The following NTM variants were observed in gnomAD, a reference collection of about 807,000 sequenced individuals.
NTM encodes IgLON family member 2.
Under a neutral mutation model 42.1 loss-of-function variants are expected in NTM, and 13 were observed. The ratio of observed to expected loss-of-function variants is 0.31; its 90% CI spans 0.20 to 0.49. The LOEUF (loss-of-function observed/expected upper bound fraction) is 0.49. Among genes scored for constraint, NTM ranks in the 20% least tolerant of loss-of-function variants. The probability of loss-of-function intolerance (pLI) is 0.99; values close to 1 mark genes in which losing one functional copy is unlikely to be tolerated. For missense variants in NTM, 373 were observed against 452.8 expected (o/e 0.82, Z 1.60); for synonymous variants, 187 against 179.2 (o/e 1.04, Z -0.35).
intron 1 of NTM, among the ~76,000 whole-genome samples, chr11:131,782,547 G>GA (rs1228242149): frequency 3.3e-5 from 5 of 151,832 alleles, no homozygotes; most frequent in African/African-American, 9.7e-5. Flanking sequence ...AAATTACAAG[G>GA]AAAAAAGCTC....
chr11:131,380,876 C>A (rs1942589182), intron 1 of NTM, among the ~76,000 whole-genome samples: 2 of 152,352 alleles, frequency 1.3e-5, no homozygotes, highest in Non-Finnish European at 1.5e-5. Context: ...GACCTCAGAA[C>A]TTACCCTTTC....
chr11:131,816,676 C>T (rs568025636), intron 1 of NTM, among the ~76,000 whole-genome samples: 9 of 152,218 alleles, frequency 5.9e-5, no homozygotes, highest in Admixed American at 3.9e-4. Context: ...GAATTAGATC[C>T]CACTTTCTTT....
chr11:131,918,431 G>C (rs953319217), intron 2 of NTM, among the ~76,000 whole-genome samples: 1 of 152,146 alleles, frequency 6.6e-6, no homozygotes, highest in Non-Finnish European at 1.5e-5. Flanking sequence ...GTCCTGTGCT[G>C]AGCAGTTTAC....
At chr11:131,609,575 G>A (rs887907291) in intron 1 of NTM, among the ~76,000 whole-genome samples, 1 of 152,206 alleles carries the variant, frequency 6.6e-6, no homozygotes, top group South Asian at 2.1e-4. Flanking sequence ...GATCGAAGAC[G>A]TCTTGATGGG....
intron 2 of NTM, among the ~76,000 whole-genome samples, chr11:131,999,711 A>G (rs1245691584): frequency 1.3e-5 from 2 of 152,232 alleles, no homozygotes; most frequent in Admixed American, 1.3e-4. Context: ...AAATGAACCA[A>G]TCACAAAGGT....
rs576820971 is a variant in NTM, at chr11:132,027,586, A to T, written c.167+115938A>T. ...ACTCGACGCTCCTCTTCCTGTATGCATGGTTTCTGAAGAGAAGTCCAATGT... is the reference window on the plus strand; with the variant it reads ...ACTCGACGCTCCTCTTCCTGTATGCTTGGTTTCTGAAGAGAAGTCCAATGT... On this transcript the variant is annotated intron_variant, in intron 2 of 8. Transcript: ENST00000683400. 4.6e-5 allele frequency among the ~76,000 whole-genome samples: 7 copies of T among 152,264 alleles called. No individual in the cohort carries two copies. In the South Asian group the frequency reaches 1.0e-3, roughly 23 times the overall value.
chr11:132,289,085 G>A (rs936865518), intron 4 of NTM, among the ~76,000 whole-genome samples: 25 of 152,036 alleles, frequency 1.6e-4, no homozygotes, highest in African/African-American at 5.8e-4. Context: ...CATCATATTT[G>A]TTTTAAAAGT....
chr11:132,218,568 G>A (rs1300647423), intron 4 of NTM, among the ~76,000 whole-genome samples: 2 of 152,214 alleles, frequency 1.3e-5, no homozygotes, highest in African/African-American at 2.4e-5. Context: ...CTCTACCTAG[G>A]GTATCTCCTG....
At chr11:131,517,085 C>T (rs1396442346) in intron 1 of NTM, among the ~76,000 whole-genome samples, 2 of 152,152 alleles carry the variant, frequency 1.3e-5, no homozygotes, top group African/African-American at 2.4e-5. Context: ...CCCAGTTTTG[C>T]AGCAGACTTG....
rs181798601 is a variant in NTM, at chr11:131,744,541, G to A, written c.83-167023G>A. On this transcript the variant is annotated intron_variant, in intron 1 of 8. Coordinates refer to ENST00000683400, the MANE Select transcript of NTM (RefSeq NM_001352005.2). The stretch of plus-strand genomic sequence containing the variant: ...GCAATTCCCTTTTCAAGCAGTCTGC[G>A]GAAAAGCTGTCAGGAGAGGTAAAAG... Among the ~76,000 whole-genome samples, 271 of 152,092 alleles carry A rather than the reference G, an allele frequency of 1.8e-3. 3 individuals are homozygous for A. The highest frequency in any genetic ancestry group is 6.4e-3 in the African/African-American group (264 of 41,484).
intron 1 of NTM, among the ~76,000 whole-genome samples, chr11:131,904,342 C>T (rs2053570783): frequency 1.3e-5 from 2 of 152,076 alleles, no homozygotes; most frequent in South Asian, 2.1e-4. Context: ...CAAATTTGTA[C>T]TTGATAAAAT....
chr11:131,528,781 T>C (rs567796351), intron 1 of NTM, among the ~76,000 whole-genome samples: 6 of 152,346 alleles, frequency 3.9e-5, no homozygotes, highest in African/African-American at 1.2e-4. Context: ...CCCAGAATTC[T>C]CTTCTACATC....
At chr11:132,290,830 C>A (rs2094432580) in intron 4 of NTM, among the ~76,000 whole-genome samples, 1 of 152,112 alleles carries the variant, frequency 6.6e-6, no homozygotes, top group Admixed American at 6.5e-5. Context: ...CAGAAGGATT[C>A]TTATACGAGC....
intron 1 of NTM, among the ~76,000 whole-genome samples, chr11:131,794,271 G>A (rs2091299206): frequency 6.6e-6 from 1 of 152,108 alleles, no homozygotes; most frequent in Non-Finnish European, 1.5e-5. Flanking sequence ...GCTGTTTTGA[G>A]TACAAGCCAA....
intron 4 of NTM, among the ~76,000 whole-genome samples, chr11:132,248,880 G>A (rs2091577243): frequency 6.6e-6 from 1 of 152,242 alleles, no homozygotes; most frequent in South Asian, 2.1e-4. Context: ...CACTGCATAG[G>A]AAAGGGTGGT....
chr11:132,299,622 C>A (rs926905713), intron 4 of NTM, among the ~76,000 whole-genome samples: 6 of 152,098 alleles, frequency 3.9e-5, no homozygotes, highest in Non-Finnish European at 5.9e-5. Context: ...CCAGCATGGG[C>A]CTATTTAAGA....
At chr11:131,766,885 T>G (rs918547032) in intron 1 of NTM, among the ~76,000 whole-genome samples, 2 of 152,188 alleles carry the variant, frequency 1.3e-5, no homozygotes, top group Non-Finnish European at 2.9e-5. Context: ...CTTGATCCCT[T>G]TCTTAATCCC....
chr11:131,894,781 A>T (rs2051993379), intron 1 of NTM, among the ~76,000 whole-genome samples: 2 of 152,162 alleles, frequency 1.3e-5, no homozygotes, highest in Non-Finnish European at 2.9e-5. Context: ...ATTTTTCATC[A>T]TTAAAGGGAA....
intron 1 of NTM, among the ~76,000 whole-genome samples, chr11:131,703,875 G>A (rs2076313933): frequency 6.6e-6 from 1 of 152,054 alleles, no homozygotes; most frequent in Admixed American, 6.5e-5. Flanking sequence ...CAGGCCTATA[G>A]CCCCAGTTTC....
Sources: gnomAD v4.1 joint callset for allele counts (sites outside exome capture counted in the v4.1 genomes callset) on GRCh38, gnomAD v4.1.1 for gene constraint, MANE v1.5 for transcripts, NCBI Gene and HGNC (gene_info 2026-07-23, HGNC 2026-07-21) for gene names.